Variants in SPEG observed in about 807,000 individuals in gnomAD.
SPEG encodes striated muscle enriched protein kinase, also known as striated muscle preferentially expressed protein kinase.
SPEG carries 114 observed loss-of-function variants against 300.4 expected under a neutral mutation model. That is an observed-to-expected ratio of 0.38 (90% CI 0.33 to 0.44). The LOEUF is 0.44. Ranked by LOEUF, SPEG falls within the 20% of genes least tolerant of loss-of-function variation. The pLI is 1.00. For missense variants in SPEG, 4,201 were observed against 4,586.2 expected (o/e 0.92, Z 2.43); for synonymous variants, 1,964 against 2,018.9 (o/e 0.97, Z 0.73).
At position 219,458,906 on chromosome 2, in the gene SPEG, T is replaced by C. The variant is rs942266729; in HGVS notation, c.2441-2976T>C. On this transcript the variant is annotated intron_variant, in intron 6 of 40. Transcript: ENST00000312358. The surrounding 1 kb of genome is among the most constrained non-coding windows in gnomAD (Gnocchi z 4.2). The stretch of plus-strand genomic sequence containing the variant: ...CTGATGTGAGTAGGTCAAGTAACAT[T>C]CTGAGAAGCCCTGAAGCAAAGGGCT... 1.3e-5 allele frequency among the ~76,000 whole-genome samples: 2 copies of C among 152,156 alleles called. No homozygotes were observed. Among genetic ancestry groups the C allele is most frequent in the African/African-American group, 4.8e-5 (2 of 41,408 alleles).
Position 219,481,693 on chromosome 2 carries a change from T to C in SPEG, c.5565+13T>C, listed in dbSNP as rs182634965. On this transcript the variant is annotated intron_variant, in intron 28 of 40. Coordinates refer to ENST00000312358, the MANE Select transcript of SPEG (RefSeq NM_005876.5). The surrounding 1 kb of genome is among the most constrained non-coding windows in gnomAD (Gnocchi z 5.4). ...TCCTTGGTTCAAAGTGAGTCTAGTC[T>C]GCAAAGTGGTGGCACAAAAGGTGGA... 3.7e-5 allele frequency: 59 copies of C among 1,613,556 alleles called. No individual in the cohort carries two copies. In the Admixed American group the frequency reaches 5.0e-4, roughly 14 times the overall value.
Position 219,459,962 on chromosome 2 carries a change from G to A in SPEG, c.2441-1920G>A, listed in dbSNP as rs988882291. The stretch of plus-strand genomic sequence containing the variant: ...GGTGAGGTGATAGGAAGAGGGAGAA[G>A]GACATGTGACCCCTGCTCAACAGCC... On this transcript the variant is annotated intron_variant, in intron 6 of 40. Coordinates refer to ENST00000312358, the MANE Select transcript of SPEG (RefSeq NM_005876.5). The surrounding 1 kb of genome is among the most constrained non-coding windows in gnomAD (Gnocchi z 4.9). Among the ~76,000 whole-genome samples, 1 of 152,236 alleles carries A rather than the reference G, an allele frequency of 6.6e-6. No individual in the cohort carries two copies. Among genetic ancestry groups the A allele is most frequent in the Non-Finnish European group, 1.5e-5 (1 of 68,038 alleles).
At chr2:219,472,801 A>G in intron 15 of SPEG, 89 bp from the exon 16 acceptor site, 1 of 1,046,710 alleles carries the variant, frequency 9.6e-7, no homozygotes, top group Non-Finnish European at 1.4e-6. Flanking sequence ...AGAGCAGACT[A>G]ATGATGAGTT....
rs1221447751 is a variant in SPEG, at chr2:219,439,916, A to G, written c.388+4551A>G. ...TGGGTGTGTTTAGGGGTGTACATGG[A>G]AAGTGCCCATGGGTGTCCAGGGTCC... On this transcript the variant is annotated intron_variant, in intron 1 of 40. Transcript: ENST00000312358. The surrounding 1 kb of genome is among the most constrained non-coding windows in gnomAD (Gnocchi z 4.5). 6.6e-6 allele frequency among the ~76,000 whole-genome samples: 1 copy of G among 152,230 alleles called. No individual in the cohort carries two copies. The highest frequency in any genetic ancestry group is 1.5e-5 in the Non-Finnish European group (1 of 68,036).
In SPEG at chr2:219,492,762, G is replaced by A. The variant is rs1413682441; in HGVS notation, c.9780G>A (p.Leu3260=). Residue 3260 remains leucine (L), a synonymous_variant, in exon 41 of 41, where the codon CTG becomes CTA. Coordinates refer to ENST00000312358, the MANE Select transcript of SPEG (RefSeq NM_005876.5). The stretch of plus-strand genomic sequence containing the variant: ...CTGCCACCCGCCACAAGGTGCTGCT[G>A]CGCTCCTACCCTGGCGGCCCCTAGA... The part of the protein sequence containing the change: ...AEAATRHKVL[L]RSYPGGP The A allele has an allele frequency of 6.3e-7, 1 of 1,599,770 alleles. No individual in the cohort carries two copies. The highest frequency in any genetic ancestry group is 2.2e-5 in the East Asian group (1 of 44,772).
intron 9 of SPEG, chr2:219,465,173 C>G (rs1691151989): frequency 6.5e-6 from 1 of 153,144 alleles, no homozygotes; most frequent in African/African-American, 2.4e-5. Context: ...CCCCCAGAGC[C>G]TGGGGCATAT....
intron 18 of SPEG, among the ~76,000 whole-genome samples, chr2:219,474,607 C>A (rs975766548): frequency 2.0e-5 from 3 of 152,054 alleles, no homozygotes; most frequent in African/African-American, 7.2e-5. Flanking sequence ...CTGCCTGACT[C>A]CTAGCTCCTG....
rs749429598 is a variant in SPEG at position 219,481,591 on chromosome 2, C to A, written c.5523-47C>A. On this transcript the variant is annotated intron_variant, in intron 27 of 40. Transcript: ENST00000312358. The surrounding 1 kb of genome is among the most constrained non-coding windows in gnomAD (Gnocchi z 5.4). ...CCCTGTTTGCTCAGTTATTGACTCA[C>A]TGATGACTGAACGATAAATCCCTTC... is the stretch of plus-strand genomic sequence containing the variant. The A allele has an allele frequency of 8.7e-6, 14 of 1,609,886 alleles. No individual in the cohort carries two copies. In the African/African-American group the frequency reaches 1.9e-4, roughly 22 times the overall value.
chr2:219,483,473 AG>A lies in SPEG; in HGVS notation c.6011del (p.Ser2004ThrfsTer235), dbSNP rs1392086265. The A allele has an allele frequency of 1.4e-6, 2 of 1,473,062 alleles. No homozygotes were observed. The highest frequency in any genetic ancestry group is 1.8e-6 in the Non-Finnish European group (2 of 1,123,064). 91.2% of individuals were successfully genotyped at this position (1,473,062 alleles called of 1,614,324 possible). ...SPGQEPAAGA[S>X]PRRGELRRGS... ...AGGCCAGGAGCCCGCAGCTGGGGCT[AG>A]CCCCAGGCGGGGAGAGCTCCGCAGG... is the stretch of plus-strand genomic sequence containing the variant. On this transcript the variant is annotated frameshift_variant, in exon 30 of 41. Coordinates refer to ENST00000312358, the MANE Select transcript of SPEG (RefSeq NM_005876.5). LOFTEE classifies it high-confidence loss of function.
At chr2:219,488,720 T>C (rs1191999265) in intron 33 of SPEG, 55 bp downstream of exon 33, 2 of 1,610,892 alleles carry the variant, frequency 1.2e-6, no homozygotes, top group African/African-American at 2.7e-5. Flanking sequence ...GGGACAGGGC[T>C]TGAGGGGTTC....
chr2:219,451,809 T>G lies in SPEG; in HGVS notation c.2440+2T>G. On this transcript the variant is annotated splice_donor_variant, in intron 6 of 40. Coordinates refer to ENST00000312358, the MANE Select transcript of SPEG (RefSeq NM_005876.5). LOFTEE classifies it high-confidence loss of function. This position sits in a 1 kb window ranked among gnomAD's most constrained non-coding sequence, Gnocchi z 6.4. ...CCGCCTCACTGACCGTGAGACCCGG[T>G]AGGGAGCCCATCAACCCTGGGGCTG... 1 of 1,532,082 alleles carries G rather than the reference T, an allele frequency of 6.5e-7. No individual in the cohort carries two copies. The highest frequency in any genetic ancestry group is 8.8e-7 in the Non-Finnish European group (1 of 1,136,240). The allele number at this position is 1,532,082 out of a possible 1,614,324, so 94.9% of individuals were successfully genotyped here. A position where few individuals can be genotyped will look rare whatever the true frequency, so the allele number is the denominator to read the frequency against.
rs906539466 is a variant in SPEG at position 219,488,889 on chromosome 2, G to A, written c.8138G>A (p.Arg2713Gln). Residue 2713 changes from arginine (R) to glutamine (Q), a missense_variant, in exon 34 of 41, where the codon CGG becomes CAG. Arg to Gln is a conservative substitution (Grantham distance 43). This residue lies in a region of SPEG where 1,578 missense variants were observed against 1,506.0 expected (regional missense o/e 1.05). Transcript: ENST00000312358. ...GCACCTTGCACGTATACGCTGGAGCGGCGAGTGGATGGTGAGGATGGGGCA... is the reference window on the plus strand; with the variant it reads ...GCACCTTGCACGTATACGCTGGAGCAGCGAGTGGATGGTGAGGATGGGGCA... ...SRAPCTYTLE[R>Q]RVDGESVWHP... The A allele has an allele frequency of 1.5e-5, 24 of 1,584,224 alleles. No individual in the cohort carries two copies. Among genetic ancestry groups the A allele is most frequent in the East Asian group, 4.6e-5 (2 of 43,500 alleles).
chr2:219,456,323 T>C (rs1173226540), intron 6 of SPEG, among the ~76,000 whole-genome samples: 1 of 152,266 alleles, frequency 6.6e-6, no homozygotes, highest in Non-Finnish European at 1.5e-5. Flanking sequence ...TTCTCCCTTG[T>C]GATGGCAGTG....
chr2:219,435,039 G>A lies in SPEG; in HGVS notation c.62G>A (p.Gly21Glu). The A allele has an allele frequency of 6.7e-7, 1 of 1,494,482 alleles. No individual in the cohort carries two copies. The highest frequency in any genetic ancestry group is 8.8e-7 in the Non-Finnish European group (1 of 1,130,410). The allele number at this position is 1,494,482 out of a possible 1,614,324, so 92.6% of individuals were successfully genotyped here. Reference sequence around the variant, plus strand: ...GGCACGAGGGCACCCCCCAGCCCCGGAGTGCCCCCGAAAAGGGCCAAGGTG... The same window carrying A: ...GGCACGAGGGCACCCCCCAGCCCCGAAGTGCCCCCGAAAAGGGCCAAGGTG... ...DAGTRAPPSP[G>E]VPPKRAKVGA... The change falls in exon 1 of 41, where the codon GGA (glycine) becomes GAA (glutamate). Residue 21 changes from glycine to glutamate, a missense_variant. Coordinates refer to ENST00000312358, the MANE Select transcript of SPEG (RefSeq NM_005876.5).
In SPEG at chr2:219,474,000, T is replaced by A; in HGVS notation, c.4447+97T>A. 1 of 1,303,760 alleles carries A rather than the reference T, an allele frequency of 7.7e-7. No homozygotes were observed. Among genetic ancestry groups the A allele is most frequent in the South Asian group, 1.4e-5 (1 of 72,940 alleles). 80.8% of individuals were successfully genotyped at this position (1,303,760 alleles called of 1,614,324 possible). On this transcript the variant is annotated intron_variant, in intron 18 of 40. Transcript: ENST00000312358. This position sits in a 1 kb window ranked among gnomAD's most constrained non-coding sequence, Gnocchi z 4.6. ...ACAACCTGCCTGACACTGCTGCAGA[T>A]CCAAACCCATGTCCTCTGGTCAGGC...
Position 219,485,423 on chromosome 2 carries a change from C to T in SPEG, c.7687C>T (p.Leu2563Phe). The change falls in exon 31 of 41, where the codon CTC becomes TTC. Residue 2563 changes from leucine (L) to phenylalanine (F), a missense_variant. Leu to Phe is a conservative substitution (Grantham distance 22, BLOSUM62 0). Around this residue, in one of 4 missense-constraint regions of SPEG, gnomAD observed 1,578 missense variants for 1,506.0 expected, o/e 1.05. Transcript: ENST00000312358. ...RKDKGLSPPNLSASVQEELGH... is the reference protein window; with the variant it reads ...RKDKGLSPPNFSASVQEELGH... Reference sequence around the variant, plus strand: ...GGACAAGGGGTTATCGCCACCAAACCTCTCTGCCAGCGTCCAGGAGGAGTT... The same window carrying T: ...GGACAAGGGGTTATCGCCACCAAACTTCTCTGCCAGCGTCCAGGAGGAGTT... The T allele has an allele frequency of 6.2e-7, 1 of 1,606,044 alleles. No homozygotes were observed. Among genetic ancestry groups the T allele is most frequent in the Non-Finnish European group, 8.5e-7 (1 of 1,175,932 alleles).
In SPEG at chr2:219,491,991, C is replaced by T. The variant is rs1220724277; in HGVS notation, c.9462-120C>T. 3 of 1,358,216 alleles carry T rather than the reference C, an allele frequency of 2.2e-6. No individual in the cohort carries two copies. In the African/African-American group the frequency reaches 4.3e-5, roughly 19 times the overall value. The allele number at this position is 1,358,216 out of a possible 1,614,324, so 84.1% of individuals were successfully genotyped here. ...CCTGTACACACATCCACACTGCACA[C>T]TCACACTCAGGTGCACAGTAGCATG... On this transcript the variant is annotated intron_variant, in intron 39 of 40. Transcript: ENST00000312358.
At chr2:219,462,413 A>G in intron 8 of SPEG, 27 bp downstream of exon 8, 1 of 1,475,450 alleles carries the variant, frequency 6.8e-7, no homozygotes, top group Non-Finnish European at 9.3e-7. Flanking sequence ...TCCACCACCC[A>G]CCAGCGACTC....
At position 219,479,275 on chromosome 2, in the gene SPEG, G is replaced by T; in HGVS notation, c.5085+74G>T. 7.5e-7 allele frequency: 1 copy of T among 1,331,792 alleles called. No homozygotes were observed. The highest frequency in any genetic ancestry group is 1.2e-5 in the South Asian group (1 of 83,286). The allele number at this position is 1,331,792 out of a possible 1,614,324, so 82.5% of individuals were successfully genotyped here. On this transcript the variant is annotated intron_variant, in intron 23 of 40. Coordinates refer to ENST00000312358, the MANE Select transcript of SPEG (RefSeq NM_005876.5). The surrounding 1 kb of genome is among the most constrained non-coding windows in gnomAD (Gnocchi z 5.5). The stretch of plus-strand genomic sequence containing the variant: ...ACCTGAGCTTTGAGAACCAACAAAT[G>T]GGTCCTGAGTGTGCCATCTGTGCCC...
Sources: gnomAD v4.1 joint callset for allele counts (sites outside exome capture counted in the v4.1 genomes callset) on GRCh38, gnomAD v4.1.1 for gene constraint, gnomAD v4.1.1 regional missense constraint, Gnocchi (gnomAD v3.1) non-coding constraint, MANE v1.5 for transcripts, NCBI Gene and HGNC (gene_info 2026-07-23, HGNC 2026-07-21) for gene names.